AIM2: variants seen among roughly 807,000 people sequenced by gnomAD.
AIM2 encodes the protein absent in melanoma 2.
Under a neutral mutation model 27.7 loss-of-function variants are expected in AIM2, and 30 were observed. That is an observed-to-expected ratio of 1.08 (90% CI 0.81 to 1.47). The LOEUF (loss-of-function observed/expected upper bound fraction) is 1.47. AIM2 is among the 40% of genes most tolerant of loss of function. The pLI is 0.00. For synonymous variants in AIM2, 141 were observed against 145.3 expected (o/e 0.97, Z 0.21); for missense variants, 358 against 411.3 (o/e 0.87, Z 1.12).
upstream of AIM2, among the ~76,000 whole-genome samples, chr1:159,079,750 T>C (rs921960524): frequency 6.6e-6 from 1 of 152,186 alleles, no homozygotes; most frequent in Non-Finnish European, 1.5e-5. Flanking sequence ...TTGTACATTC[T>C]GTGGGTTTGG....
chr1:159,057,765 C>T (rs1448199783), downstream of AIM2, among the ~76,000 whole-genome samples: 1 of 152,176 alleles, frequency 6.6e-6, no homozygotes, highest in Non-Finnish European at 1.5e-5. Flanking sequence ...CTCTAGTCCT[C>T]ATTTTTGGAA....
chr1:159,080,635 C>G (rs1466681571), upstream of AIM2, among the ~76,000 whole-genome samples: 2 of 152,118 alleles, frequency 1.3e-5, no homozygotes, highest in Non-Finnish European at 2.9e-5. Flanking sequence ...TAGGCCTCAC[C>G]CCCAGCATTT....
At chr1:159,082,473 A>G (rs1412553682) in intron 1 of AIM2, among the ~76,000 whole-genome samples, 2 of 152,138 alleles carry the variant, frequency 1.3e-5, no homozygotes, top group Non-Finnish European at 2.9e-5. Context: ...TGGTTCAAAG[A>G]CAGCCATCTT....
intron 1 of AIM2, among the ~76,000 whole-genome samples, chr1:159,114,577 G>T (rs1213700573): frequency 6.6e-6 from 1 of 152,174 alleles, no homozygotes; most frequent in Admixed American, 6.5e-5. Context: ...AGGCATGATG[G>T]CGCATGCTTG....
At chr1:159,138,486 C>A (rs1161380192) in intron 1 of AIM2, among the ~76,000 whole-genome samples, 1 of 152,178 alleles carries the variant, frequency 6.6e-6, no homozygotes, top group African/African-American at 2.4e-5. Flanking sequence ...GTACATATCA[C>A]TACCTAAAAT....
intron 1 of AIM2, among the ~76,000 whole-genome samples, chr1:159,119,376 T>TAAA (rs1415514322): frequency 1.3e-5 from 2 of 152,162 alleles, no homozygotes; most frequent in African/African-American, 4.8e-5. Flanking sequence ...AATAATCTTA[T>TAAA]ATTTTATCTT....
intron 1 of AIM2, among the ~76,000 whole-genome samples, chr1:159,098,727 ATTGT>A (rs1657253218): frequency 6.6e-6 from 1 of 152,222 alleles, no homozygotes. Context: ...CTAAGCTGAG[ATTGT>A]TTGTTTAACA....
chr1:159,083,775 A>G (rs561314676), intron 1 of AIM2, among the ~76,000 whole-genome samples: 11 of 152,346 alleles, frequency 7.2e-5, no homozygotes, highest in Non-Finnish European at 1.0e-4. Flanking sequence ...CAGCTAAGTG[A>G]ATTTGGAAAG....
intron 1 of AIM2, among the ~76,000 whole-genome samples, chr1:159,134,789 G>A (rs768219367): frequency 6.6e-6 from 1 of 152,052 alleles, no homozygotes; most frequent in Non-Finnish European, 1.5e-5. Flanking sequence ...CTGAGATCGC[G>A]ACATTGCACT....
At chr1:159,067,125 G>A (rs568186205) in intron 3 of AIM2, among the ~76,000 whole-genome samples, 40 of 152,236 alleles carry the variant, frequency 2.6e-4, no homozygotes, top group Non-Finnish European at 3.1e-4. Flanking sequence ...TGTTATAACT[G>A]ATTCAATAAA....
chr1:159,082,257 T>TA (rs1216888278), intron 1 of AIM2, among the ~76,000 whole-genome samples: 1 of 152,202 alleles, frequency 6.6e-6, no homozygotes, highest in Non-Finnish European at 1.5e-5. Flanking sequence ...ATAATTATAA[T>TA]AATCACATGT....
intron 1 of AIM2, among the ~76,000 whole-genome samples, chr1:159,084,656 C>T (rs1342862413): frequency 1.3e-5 from 2 of 151,824 alleles, no homozygotes; most frequent in African/African-American, 4.8e-5. Context: ...GCCTGTAGTC[C>T]CAATTACTTG....
intron 1 of AIM2, among the ~76,000 whole-genome samples, chr1:159,097,944 T>C (rs1570962653): frequency 6.6e-6 from 1 of 152,162 alleles, no homozygotes; most frequent in African/African-American, 2.4e-5. Flanking sequence ...GTTTTTCTCA[T>C]TTTGTACACC....
intron 1 of AIM2, among the ~76,000 whole-genome samples, chr1:159,094,863 G>A (rs890993432): frequency 1.3e-5 from 2 of 151,866 alleles, no homozygotes; most frequent in East Asian, 3.9e-4. Context: ...TGCTTTGTAT[G>A]TCTAATTTAT....
At position 159,100,041 on chromosome 1, in the gene AIM2, T is replaced by C. The variant is rs74644882; in HGVS notation, c.-15-33712A>G. ...AACCAAATTAGGAACCCTGACACCA[T>C]GCCCACAATAAGTGAACTGGCAGAT... On this transcript the variant is annotated intron_variant, in intron 1 of 2. Transcript: ENST00000368129. Among the ~76,000 whole-genome samples, 1,513 of 152,318 alleles carry C rather than the reference T, an allele frequency of 9.9e-3. 33 individuals are homozygous for C. The highest frequency in any genetic ancestry group is 0.034 in the African/African-American group (1,416 of 41,574).
intron 1 of AIM2, among the ~76,000 whole-genome samples, chr1:159,093,040 A>AAAAT (rs57238902): frequency 0.74 from 108,763 of 147,166 alleles, 43,348 homozygotes; most frequent in Non-Finnish European, 0.89. Context: ...TAAATAAATA[A>AAAAT]AAATAAATAA....
intron 1 of AIM2, among the ~76,000 whole-genome samples, chr1:159,104,284 C>G (rs1448418398): frequency 6.6e-6 from 1 of 152,136 alleles, no homozygotes; most frequent in African/African-American, 2.4e-5. Flanking sequence ...TGGCTGCAGG[C>G]ATGGACTCCA....
chr1:159,087,093 T>C (rs577083513), intron 1 of AIM2, among the ~76,000 whole-genome samples: 13 of 152,222 alleles, frequency 8.5e-5, no homozygotes, highest in Non-Finnish European at 1.3e-4. Context: ...AACCTCTACA[T>C]ATCCTAAATC....
intron 2 of AIM2, among the ~76,000 whole-genome samples, chr1:159,070,402 C>A (rs928620576): frequency 6.6e-6 from 1 of 152,124 alleles, no homozygotes; most frequent in African/African-American, 2.4e-5. Context: ...AAAATGCAGT[C>A]GTATACTCTG....
Sources: gnomAD v4.1 joint callset for allele counts (sites outside exome capture counted in the v4.1 genomes callset) on GRCh38, gnomAD v4.1.1 for gene constraint, MANE v1.5 for transcripts, NCBI Gene and HGNC (gene_info 2026-07-23, HGNC 2026-07-21) for gene names.